Variants in RSPH4A observed in about 807,000 individuals in gnomAD.
RSPH4A encodes radial spoke head component 4A, also known as radial spoke head protein 4 homolog A.
Under a neutral mutation model 71.0 loss-of-function variants are expected in RSPH4A, and 47 were observed. The ratio of observed to expected loss-of-function variants is 0.66; its 90% CI spans 0.52 to 0.84. The LOEUF (loss-of-function observed/expected upper bound fraction) is 0.84, where lower values mean the gene tolerates loss of function less well. Ranked by LOEUF, RSPH4A falls within the 40% of genes least tolerant of loss-of-function variation. The pLI is 0.00. For synonymous variants in RSPH4A, 282 were observed against 302.3 expected (o/e 0.93, Z 0.70); for missense variants, 793 against 855.2 (o/e 0.93, Z 0.91).
At position 116,622,869 on chromosome 6, in the gene RSPH4A, A is replaced by G. The variant is rs771157233; in HGVS notation, c.788A>G (p.His263Arg). ...ENISQDVKMA[H>R]FSKKFDALQN... ...ATTAGCCAAGATGTGAAGATGGCAC[A>G]TTTTAGTAAAAAATTTGATGCACTA... Residue 263 changes from histidine (H) to arginine (R), a missense_variant, in exon 2 of 6, where the codon CAT (histidine) becomes CGT (arginine). Coordinates refer to ENST00000229554, the MANE Select transcript of RSPH4A (RefSeq NM_001010892.3). The G allele has an allele frequency of 6.2e-7, 1 of 1,613,462 alleles. No homozygotes were observed. The highest frequency in any genetic ancestry group is 1.1e-5 in the South Asian group (1 of 91,072).
At chr6:116,629,523 A>G in intron 3 of RSPH4A, 44 bp from the exon 4 acceptor site, 1 of 1,599,700 alleles carries the variant, frequency 6.3e-7, no homozygotes, top group Non-Finnish European at 8.6e-7. Flanking sequence ...CTGAAATTTT[A>G]AGGTCCCCAT....
intron 1 of RSPH4A, among the ~76,000 whole-genome samples, chr6:116,618,844 A>G (rs1775554927): frequency 6.6e-6 from 1 of 152,176 alleles, no homozygotes; most frequent in Non-Finnish European, 1.5e-5. Context: ...TCAATCCCAC[A>G]AGACTGCCCC....
intron 1 of RSPH4A, among the ~76,000 whole-genome samples, chr6:116,620,749 G>GT (rs1296242285): frequency 3.3e-5 from 5 of 152,196 alleles, no homozygotes; most frequent in African/African-American, 1.2e-4. Flanking sequence ...AGTCCCTGAT[G>GT]TGATGCCATC....
Position 116,632,724 on chromosome 6 carries a change from C to G in RSPH4A, c.*283C>G. 2.8e-6 allele frequency: 1 copy of G among 354,012 alleles called. No homozygotes were observed. The highest frequency in any genetic ancestry group is 6.5e-5 in the East Asian group (1 of 15,344). 21.9% of individuals were successfully genotyped at this position (354,012 alleles called of 1,614,324 possible). A position where few individuals can be genotyped will look rare whatever the true frequency, so the allele number is the denominator to read the frequency against. ...TAATGGAATATGTGTTTGTACATTC[C>G]TGTTTTTAAAAGGGCTCAGGTTTCA... is the stretch of plus-strand genomic sequence containing the variant. On this transcript the variant is annotated 3_prime_UTR_variant, in exon 6 of 6. Transcript: ENST00000229554.
intron 1 of RSPH4A, among the ~76,000 whole-genome samples, chr6:116,621,152 G>A (rs958929138): frequency 6.6e-6 from 1 of 152,044 alleles, no homozygotes; most frequent in Admixed American, 6.6e-5. Context: ...CACTGCTCCC[G>A]GCCTTCTCCA....
chr6:116,617,439 A>C, intron 1 of RSPH4A, 130 bp downstream of exon 1: 3 of 683,436 alleles, frequency 4.4e-6, no homozygotes, highest in Non-Finnish European at 4.9e-6. Context: ...AAAGAGAGTT[A>C]ATGACATAAC....
In RSPH4A at chr6:116,628,365, C is replaced by T; in HGVS notation, c.1658C>T (p.Ser553Phe). ...NWVHHVQHILSQGRCNWFNSI... is the reference protein window; with the variant it reads ...NWVHHVQHILFQGRCNWFNSI... ...GTTCATCATGTACAGCATATTCTCT[C>T]TCAGGTAGGAGCTTTGCACTTCTCA... is the stretch of plus-strand genomic sequence containing the variant. The change falls in exon 3 of 6, where the codon TCT becomes TTT. Residue 553 changes from serine to phenylalanine, a missense_variant. Coordinates refer to ENST00000229554, the MANE Select transcript of RSPH4A (RefSeq NM_001010892.3). 2 of 1,610,918 alleles carry T rather than the reference C, an allele frequency of 1.2e-6. No individual in the cohort carries two copies. The highest frequency in any genetic ancestry group is 1.3e-5 in the African/African-American group (1 of 74,948).
In RSPH4A at chr6:116,616,662, C is replaced by G. The variant is rs1562387540; in HGVS notation, c.39C>G (p.Asn13Lys). The G allele has an allele frequency of 6.2e-7, 1 of 1,614,020 alleles. No individual in the cohort carries two copies. The highest frequency in any genetic ancestry group is 8.5e-7 in the Non-Finnish European group (1 of 1,179,996). Residue 13 changes from asparagine (N) to lysine (K), a missense_variant, in exon 1 of 6, where the codon AAC (asparagine) becomes AAG (lysine). By Grantham distance (94) the Asn-to-Lys change is moderately conservative. Transcript: ENST00000229554. ...CCTCCCCGAAGCAAGAAAAAGAAAA[C>G]CAAGAAGAACTAGGGGAAACAAGGC... ...DSTSPKQEKE[N>K]QEELGETRRP... is the part of the protein sequence containing the mutation.
At chr6:116,619,562 A>C (rs1775566990) in intron 1 of RSPH4A, among the ~76,000 whole-genome samples, 1 of 152,182 alleles carries the variant, frequency 6.6e-6, no homozygotes, top group Non-Finnish European at 1.5e-5. Context: ...ATATTAATTA[A>C]ATGCCTACTG....
In RSPH4A at chr6:116,617,010, A is replaced by T. The variant is rs369824862; in HGVS notation, c.387A>T (p.Glu129Asp). 2 of 1,614,236 alleles carry T rather than the reference A, an allele frequency of 1.2e-6. No individual in the cohort carries two copies. The highest frequency in any genetic ancestry group is 2.7e-5 in the African/African-American group (2 of 75,060). Residue 129 changes from glutamate to aspartate, a missense_variant, in exon 1 of 6, where the codon GAA becomes GAT. Coordinates refer to ENST00000229554, the MANE Select transcript of RSPH4A (RefSeq NM_001010892.3). ...GGACACCTTATCCTGATCCTTTGGA[A>T]CAATCATCTGATAAAAGAGAATCAA... Reference protein sequence around the residue: ...EAGTPYPDPLEQSSDKRESTP... With the variant: ...EAGTPYPDPLDQSSDKRESTP...
At position 116,629,341 on chromosome 6, in the gene RSPH4A, C is replaced by T. The variant is rs72959913; in HGVS notation, c.1663-226C>T. Among the ~76,000 whole-genome samples, 3,488 of 152,270 alleles carry T rather than the reference C, an allele frequency of 0.023. 68 individuals carry two copies. The highest frequency in any genetic ancestry group is 0.099 in the Middle Eastern group (29 of 294). ...ATATAAGTGATAATTTAAAAATACA[C>T]ATTCTGTGACTTCAAGAATTTGGCA... On this transcript the variant is annotated intron_variant, in intron 3 of 5. Transcript: ENST00000229554.
chr6:116,628,997 A>G (rs545919854), intron 3 of RSPH4A, among the ~76,000 whole-genome samples: 1 of 152,320 alleles, frequency 6.6e-6, no homozygotes, highest in Admixed American at 6.5e-5. Context: ...GAACATAACT[A>G]ATAAGGAACA....
intron 2 of RSPH4A, 39 bp from the exon 3 acceptor site, chr6:116,627,590 C>A: frequency 6.9e-7 from 1 of 1,443,626 alleles, no homozygotes; most frequent in Non-Finnish European, 9.8e-7. Flanking sequence ...AAGCATTTGT[C>A]TTATTGATAA....
At chr6:116,623,365 C>T (rs1303873998) in intron 2 of RSPH4A, among the ~76,000 whole-genome samples, 4 of 152,156 alleles carry the variant, frequency 2.6e-5, no homozygotes, top group Non-Finnish European at 4.4e-5. Flanking sequence ...GGATTACAGG[C>T]GTGAGCTACT....
At chr6:116,618,814 A>G (rs1227649542) in intron 1 of RSPH4A, among the ~76,000 whole-genome samples, 1 of 152,242 alleles carries the variant, frequency 6.6e-6, no homozygotes, top group African/African-American at 2.4e-5. Context: ...AGATAGCATC[A>G]GATCCCACAG....
At chr6:116,629,842 T>C in intron 4 of RSPH4A, 140 bp downstream of exon 4, 1 of 783,308 alleles carries the variant, frequency 1.3e-6, no homozygotes, top group South Asian at 1.6e-5. Context: ...ATTCATGTTC[T>C]GGGATGATAG....
At chr6:116,624,892 CA>C (rs1048686915) in intron 2 of RSPH4A, among the ~76,000 whole-genome samples, 2 of 151,942 alleles carry the variant, frequency 1.3e-5, no homozygotes, top group African/African-American at 4.8e-5. Flanking sequence ...TACAGAAAGG[CA>C]AAAAAGACTG....
chr6:116,622,237 A>C (rs779526186), intron 1 of RSPH4A, among the ~76,000 whole-genome samples: 3 of 152,182 alleles, frequency 2.0e-5, no homozygotes, highest in Non-Finnish European at 4.4e-5. Context: ...GATCTTAAAG[A>C]CAGAGTCAAC....
intron 4 of RSPH4A, 95 bp from the exon 5 acceptor site, chr6:116,630,340 T>G: frequency 1.3e-6 from 1 of 777,444 alleles, no homozygotes; most frequent in South Asian, 1.3e-5. Context: ...TGTGTGTGCA[T>G]GCATGTGTGT....
Sources: gnomAD v4.1 joint callset for allele counts (sites outside exome capture counted in the v4.1 genomes callset) on GRCh38, gnomAD v4.1.1 for gene constraint, MANE v1.5 for transcripts, NCBI Gene and HGNC (gene_info 2026-07-23, HGNC 2026-07-21) for gene names.